ZNF678: variants seen among roughly 807,000 people sequenced by gnomAD.
The protein encoded by ZNF678 is zinc finger protein 678.
A neutral mutation model predicts 3.0 loss-of-function variants in ZNF678; 5 were observed. The observed-to-expected ratio is 1.69, with a 90% CI of 0.88 to 3.56. The LOEUF (loss-of-function observed/expected upper bound fraction) is 3.56, where lower values mean the gene tolerates loss of function less well. Among genes scored for constraint, ZNF678 ranks in the 30% most tolerant of loss-of-function variants. ZNF678 has a pLI of 0.00. For missense variants in ZNF678, 593 were observed against 605.0 expected (o/e 0.98, Z 0.21); for synonymous variants, 218 against 199.6 (o/e 1.09, Z -0.78).
At chr1:227,631,604 C>T (rs189173070) in intron 1 of ZNF678, among the ~76,000 whole-genome samples, 7 of 152,276 alleles carry the variant, frequency 4.6e-5, no homozygotes, top group East Asian at 1.9e-4. Context: ...TAGGAATATG[C>T]CCTAATTATT....
At chr1:227,592,485 C>G (rs1032616995) in intron 1 of ZNF678, among the ~76,000 whole-genome samples, 5 of 152,302 alleles carry the variant, frequency 3.3e-5, no homozygotes, top group East Asian at 3.9e-4. Flanking sequence ...TTTTCTTTTT[C>G]TGACACATAG....
At position 227,656,479 on chromosome 1, in the gene ZNF678, A is replaced by G. The variant is rs1449721904; in HGVS notation, c.*651A>G. ...TATCTCAAATAACTTGATTTTTATT[A>G]TATTTATTGTTTATGTTAAAGTATG... On this transcript the variant is annotated 3_prime_UTR_variant, in exon 4 of 4. Coordinates refer to ENST00000343776, the MANE Select transcript of ZNF678 (RefSeq NM_001367909.1). 4.0e-5 allele frequency: 6 copies of G among 151,662 alleles called. No homozygotes were observed. Among genetic ancestry groups the G allele is most frequent in the Non-Finnish European group, 8.9e-5 (6 of 67,794 alleles). 9.4% of individuals were successfully genotyped at this position (151,662 alleles called of 1,614,324 possible). A position where few individuals can be genotyped will look rare whatever the true frequency, so the allele number is the denominator to read the frequency against.
At chr1:227,599,765 C>T (rs1050846008) in intron 1 of ZNF678, among the ~76,000 whole-genome samples, 8 of 152,022 alleles carry the variant, frequency 5.3e-5, no homozygotes, top group Non-Finnish European at 7.4e-5. Context: ...TAATATTCAG[C>T]GTGATTGTAT....
chr1:227,595,836 C>T (rs553271314), intron 1 of ZNF678, among the ~76,000 whole-genome samples: 83 of 152,254 alleles, frequency 5.5e-4, no homozygotes, highest in African/African-American at 1.9e-3. Context: ...GATCAGGCCA[C>T]GCTTCCACTC....
At chr1:227,598,547 T>C (rs1657652794) in intron 1 of ZNF678, 1 of 1,002,028 alleles carries the variant, frequency 1.0e-6, no homozygotes, top group Non-Finnish European at 1.4e-6. Flanking sequence ...TTTTCTTCTT[T>C]TTTGCTCGTA....
chr1:227,635,515 TTGTGTGTGTGTG>T (rs56135481), intron 1 of ZNF678, among the ~76,000 whole-genome samples: 130 of 128,006 alleles, frequency 1.0e-3, no homozygotes, highest in Non-Finnish European at 1.3e-3. Flanking sequence ...GGGTGAACAT[TTGTGTGTGTGTG>T]TGTGTGTGTG....
At chr1:227,613,721 C>T (rs568344234) in intron 1 of ZNF678, among the ~76,000 whole-genome samples, 41 of 152,282 alleles carry the variant, frequency 2.7e-4, no homozygotes, top group Non-Finnish European at 4.4e-4. Flanking sequence ...TCTTTGATAG[C>T]CTGTGCAAAC....
rs16841323 is a variant in ZNF678 at position 227,605,948 on chromosome 1, A to C, written c.-163-40596A>C. 4.6e-3 allele frequency among the ~76,000 whole-genome samples: 697 copies of C among 152,362 alleles called. 19 individuals carry two copies. In the South Asian group the frequency reaches 0.057, roughly 12 times the overall value. ...GATGTTATAACTACATGTTTTTGAA[A>C]CAATCCCACTTGGTCAAGGTGTATA... On this transcript the variant is annotated intron_variant, in intron 1 of 3. Transcript: ENST00000343776.
intron 1 of ZNF678, among the ~76,000 whole-genome samples, chr1:227,598,008 A>G (rs949213196): frequency 6.6e-6 from 1 of 152,232 alleles, no homozygotes; most frequent in Non-Finnish European, 1.5e-5. Context: ...GCTTCTCTAC[A>G]GAGTAAGGGT....
At chr1:227,652,486 T>C (rs1422896070) in intron 3 of ZNF678, among the ~76,000 whole-genome samples, 2 of 152,154 alleles carry the variant, frequency 1.3e-5, no homozygotes, top group African/African-American at 4.8e-5. Context: ...CTATTGTCAT[T>C]TATTGTTTTA....
chr1:227,658,615 C>T lies in ZNF678; in HGVS notation c.*2787C>T, dbSNP rs1659318326. 1 of 152,028 alleles carries T rather than the reference C, an allele frequency of 6.6e-6. No individual in the cohort carries two copies. 9.4% of individuals were successfully genotyped at this position (152,028 alleles called of 1,614,324 possible). On this transcript the variant is annotated 3_prime_UTR_variant, in exon 4 of 4. Coordinates refer to ENST00000343776, the MANE Select transcript of ZNF678 (RefSeq NM_001367909.1). ...ATGGCTACAGATTTCTCACTGTTCT[C>T]TGCAGCCCATGTAATTTCATACAGT... is the stretch of plus-strand genomic sequence containing the variant.
At chr1:227,573,036 T>G (rs1656895014) in intron 1 of ZNF678, among the ~76,000 whole-genome samples, 1 of 152,106 alleles carries the variant, frequency 6.6e-6, no homozygotes, top group South Asian at 2.1e-4. Context: ...TAGAGTGTGG[T>G]GAGGTGGGAA....
chr1:227,564,063 C>T (rs553019436), intron 1 of ZNF678, among the ~76,000 whole-genome samples: 4 of 152,328 alleles, frequency 2.6e-5, no homozygotes, highest in African/African-American at 9.6e-5. Flanking sequence ...ATCCTTTTTC[C>T]TGTGAAAAAT....
At chr1:227,598,623 G>A (rs1657655581) in intron 1 of ZNF678, 12 of 580,362 alleles carry the variant, frequency 2.1e-5, no homozygotes, top group East Asian at 1.7e-4. Context: ...AGAATTTATC[G>A]TTCTCTTTTT....
Position 227,662,034 on chromosome 1 carries a change from G to C in ZNF678, c.*6206G>C, listed in dbSNP as rs187790963. The C allele has an allele frequency of 6.6e-6, 1 of 152,330 alleles. No individual in the cohort carries two copies. The highest frequency in any genetic ancestry group is 1.5e-5 in the Non-Finnish European group (1 of 68,044). The allele number at this position is 152,330 out of a possible 1,614,324, so 9.4% of individuals were successfully genotyped here. A position where few individuals can be genotyped will look rare whatever the true frequency, so the allele number is the denominator to read the frequency against. ...CAGACCAGGAAATTCCAATACATCA[G>C]TGCATGTGGAGGACATGAGTATTTA... is the stretch of plus-strand genomic sequence containing the variant. On this transcript the variant is annotated 3_prime_UTR_variant, in exon 4 of 4. Coordinates refer to ENST00000343776, the MANE Select transcript of ZNF678 (RefSeq NM_001367909.1).
chr1:227,651,527 C>T (rs1659092913), intron 3 of ZNF678, among the ~76,000 whole-genome samples: 1 of 152,198 alleles, frequency 6.6e-6, no homozygotes. Context: ...AGGACCTCTT[C>T]TTGACTATGG....
Position 227,638,109 on chromosome 1 carries a change from C to T in ZNF678, c.-163-8435C>T, listed in dbSNP as rs1658725811. 6.6e-6 allele frequency among the ~76,000 whole-genome samples: 1 copy of T among 152,078 alleles called. No individual in the cohort carries two copies. Among genetic ancestry groups the T allele is most frequent in the Admixed American group, 6.6e-5 (1 of 15,262 alleles). On this transcript the variant is annotated intron_variant, in intron 1 of 3. Coordinates refer to ENST00000343776, the MANE Select transcript of ZNF678 (RefSeq NM_001367909.1). This position sits in a 1 kb window ranked among gnomAD's most constrained non-coding sequence, Gnocchi z 4.2. ...CTGTCCAAAAAGGTGGGGGCTGTCT[C>T]TGAAACATTGAGGTGGTAGTACACA...
intron 1 of ZNF678, among the ~76,000 whole-genome samples, chr1:227,574,121 CT>C (rs1471830381): frequency 6.6e-6 from 1 of 152,162 alleles, no homozygotes; most frequent in Non-Finnish European, 1.5e-5. Flanking sequence ...GTGAATAGTG[CT>C]GCAGTGAACA....
At position 227,658,704 on chromosome 1, in the gene ZNF678, A is replaced by G. The variant is rs1314403615; in HGVS notation, c.*2876A>G. 1 of 152,030 alleles carries G rather than the reference A, an allele frequency of 6.6e-6. No individual in the cohort carries two copies. The highest frequency in any genetic ancestry group is 1.5e-5 in the Non-Finnish European group (1 of 67,958). 9.4% of individuals were successfully genotyped at this position (152,030 alleles called of 1,614,324 possible). On this transcript the variant is annotated 3_prime_UTR_variant, in exon 4 of 4. Transcript: ENST00000343776. ...ATAGTGAAAAATTGGATTTAACTGG[A>G]GAGTTTGAGGACATTTTTAAGTTAG...
Sources: gnomAD v4.1 joint callset for allele counts (sites outside exome capture counted in the v4.1 genomes callset) on GRCh38, gnomAD v4.1.1 for gene constraint, Gnocchi (gnomAD v3.1) non-coding constraint, MANE v1.5 for transcripts, NCBI Gene and HGNC (gene_info 2026-07-23, HGNC 2026-07-21) for gene names.